Variants in TMOD3 observed in about 807,000 individuals in gnomAD.
The protein encoded by TMOD3 is tropomodulin 3, also known as tropomodulin-3.
A neutral mutation model predicts 39.2 loss-of-function variants in TMOD3; 20 were observed. The ratio of observed to expected loss-of-function variants is 0.51; its 90% CI spans 0.36 to 0.74. The LOEUF (loss-of-function observed/expected upper bound fraction) is 0.74. Ranked by LOEUF, TMOD3 falls within the 30% of genes least tolerant of loss-of-function variation. TMOD3 has a pLI of 0.00. For synonymous variants in TMOD3, 143 were observed against 145.8 expected, an observed-to-expected ratio of 0.98 and a Z score of 0.14; for missense variants, 381 against 412.8, an observed-to-expected ratio of 0.92 and a Z score of 0.67.
At chr15:51,836,649 T>G in intron 1 of TMOD3, among the ~76,000 whole-genome samples, 1 of 149,042 alleles carries the variant, frequency 6.7e-6, no homozygotes, top group African/African-American at 2.5e-5. Flanking sequence ...CGCTTGAACC[T>G]GGGAGGTGGA....
At chr15:51,898,783 C>T (rs1422288262) in intron 7 of TMOD3, among the ~76,000 whole-genome samples, 2 of 152,136 alleles carry the variant, frequency 1.3e-5, no homozygotes, top group Non-Finnish European at 2.9e-5. Flanking sequence ...TATATAAACT[C>T]ATGATCATTG....
intron 1 of TMOD3, among the ~76,000 whole-genome samples, chr15:51,845,657 T>C (rs568592620): frequency 9.9e-5 from 15 of 152,188 alleles, no homozygotes; most frequent in African/African-American, 3.4e-4. Context: ...CTCAGTAAGC[T>C]GAGGTGGGAG....
chr15:51,898,098 C>A (rs1289043276), intron 7 of TMOD3, among the ~76,000 whole-genome samples: 1 of 152,198 alleles, frequency 6.6e-6, no homozygotes, highest in Non-Finnish European at 1.5e-5. Flanking sequence ...CTTCCCATCT[C>A]ATTAAGAGTA....
chr15:51,888,830 T>G (rs1371498811), intron 4 of TMOD3, among the ~76,000 whole-genome samples: 1 of 152,160 alleles, frequency 6.6e-6, no homozygotes, highest in Non-Finnish European at 1.5e-5. Context: ...ACTCTGAATT[T>G]GGAAATGTGG....
chr15:51,880,187 G>A (rs989334691), intron 3 of TMOD3, among the ~76,000 whole-genome samples: 5 of 152,182 alleles, frequency 3.3e-5, no homozygotes, highest in Admixed American at 1.3e-4. Context: ...CAAATATACT[G>A]TATCTGGCTC....
chr15:51,908,685 G>T, intron 9 of TMOD3, 91 bp from the exon 10 acceptor site: 1 of 944,596 alleles, frequency 1.1e-6, no homozygotes. Flanking sequence ...ACTTATAACT[G>T]GATTATGCAG....
chr15:51,831,960 A>C (rs2056257540), intron 1 of TMOD3, among the ~76,000 whole-genome samples: 1 of 151,990 alleles, frequency 6.6e-6, no homozygotes. Flanking sequence ...AGGTAGGAGG[A>C]TTGCTTGAAC....
chr15:51,831,737 T>C (rs540261840), intron 1 of TMOD3, among the ~76,000 whole-genome samples: 2 of 152,278 alleles, frequency 1.3e-5, no homozygotes, highest in African/African-American at 4.8e-5. Flanking sequence ...GTTTTTCTTT[T>C]TTCTCTTTGC....
intron 1 of TMOD3, among the ~76,000 whole-genome samples, chr15:51,839,677 G>T (rs537973337): frequency 1.3e-5 from 2 of 152,036 alleles, no homozygotes; most frequent in East Asian, 3.9e-4. Flanking sequence ...CTCCCAAGTA[G>T]CTGGGACTAC....
chr15:51,887,930 T>G (rs754584673), intron 4 of TMOD3, among the ~76,000 whole-genome samples: 3 of 152,230 alleles, frequency 2.0e-5, no homozygotes, highest in Admixed American at 6.5e-5. Flanking sequence ...TAAGAAAATG[T>G]ATTGTATTGT....
At chr15:51,847,689 C>T (rs1044080688) in intron 1 of TMOD3, among the ~76,000 whole-genome samples, 3 of 152,160 alleles carry the variant, frequency 2.0e-5, no homozygotes, top group East Asian at 1.9e-4. Flanking sequence ...GGGTCTGAAG[C>T]AGGAGGATCA....
At chr15:51,879,888 A>ACACACACACACG (rs922839640) in intron 3 of TMOD3, among the ~76,000 whole-genome samples, 1 of 151,534 alleles carries the variant, frequency 6.6e-6, no homozygotes, top group African/African-American at 2.4e-5. Context: ...ACACACACAC[A>ACACACACACACG]CGAAGAAGAA....
At chr15:51,832,147 G>T (rs370659595) in intron 1 of TMOD3, among the ~76,000 whole-genome samples, 1 of 147,910 alleles carries the variant, frequency 6.8e-6, no homozygotes, top group Non-Finnish European at 1.5e-5. Context: ...TTGTGCCACT[G>T]CACTCCAGCC....
intron 7 of TMOD3, 135 bp from the exon 8 acceptor site, chr15:51,900,020 G>A: frequency 1.2e-6 from 1 of 852,114 alleles, no homozygotes; most frequent in Non-Finnish European, 1.8e-6. Flanking sequence ...TGAGAGCTAT[G>A]GGCTACTGTG....
chr15:51,902,750 C>A (rs1267764857), intron 9 of TMOD3, among the ~76,000 whole-genome samples: 1 of 149,814 alleles, frequency 6.7e-6, no homozygotes, highest in African/African-American at 2.5e-5. Context: ...CCCAGGTTCA[C>A]GCCATTCTCC....
chr15:51,872,902 T>C (rs2056483124), intron 3 of TMOD3, among the ~76,000 whole-genome samples: 1 of 152,198 alleles, frequency 6.6e-6, no homozygotes, highest in South Asian at 2.1e-4. Context: ...GTGAGTTTCA[T>C]TAATCTATCT....
chr15:51,859,311 A>G lies in TMOD3; in HGVS notation c.-74-3500A>G, dbSNP rs1302063994. ...TTCAGGTCTACCAAGGGGGTGGTTC[A>G]ATGGTTCCTTGATACAATCCACCCA... On this transcript the variant is annotated intron_variant, in intron 1 of 9. Coordinates refer to ENST00000308580, the MANE Select transcript of TMOD3 (RefSeq NM_014547.5). 1.2e-5 allele frequency: 9 copies of G among 728,194 alleles called. 1 individual carries two copies. The Admixed American group carries it at 1.4e-4, about 11-fold the overall frequency. 45.1% of individuals were successfully genotyped at this position (728,194 alleles called of 1,614,324 possible). A position where few individuals can be genotyped will look rare whatever the true frequency, so the allele number is the denominator to read the frequency against.
intron 1 of TMOD3, chr15:51,860,701 C>T (rs2554326): frequency 0.032 from 13,590 of 428,780 alleles, 699 homozygotes; most frequent in African/African-American, 0.13. Context: ...TTTGGGAGGC[C>T]GAGGCGGGTG....
In TMOD3 at chr15:51,887,511, A is replaced by G; in HGVS notation, c.284-78A>G. On this transcript the variant is annotated intron_variant, in intron 3 of 9. Transcript: ENST00000308580. ...TCTTTTCCTTCAGGTTCAGTTGTAC[A>G]TGCTTTGGTTACAAGGATAAAATGG... is the stretch of plus-strand genomic sequence containing the variant. 8.2e-6 allele frequency: 12 copies of G among 1,456,842 alleles called. No individual in the cohort carries two copies. The South Asian group carries it at 1.3e-4, about 16-fold the overall frequency. 90.2% of individuals were successfully genotyped at this position (1,456,842 alleles called of 1,614,324 possible). A position where few individuals can be genotyped will look rare whatever the true frequency, so the allele number is the denominator to read the frequency against.
Sources: gnomAD v4.1 joint callset for allele counts (sites outside exome capture counted in the v4.1 genomes callset) on GRCh38, gnomAD v4.1.1 for gene constraint, MANE v1.5 for transcripts, NCBI Gene and HGNC (gene_info 2026-07-23, HGNC 2026-07-21) for gene names.